Variants in WDR91 observed in about 807,000 individuals in gnomAD.
WDR91 encodes the protein WD repeat-containing protein 91.
In WDR91, 52 loss-of-function variants were observed where a neutral mutation model predicts 88.4. That is an observed-to-expected ratio of 0.59 (90% CI 0.47 to 0.74). The LOEUF is 0.74. Among genes scored for constraint, WDR91 ranks in the 30% least tolerant of loss-of-function variants. The pLI, the probability that WDR91 is intolerant of heterozygous loss-of-function variation, is 0.00. For missense variants in WDR91, 824 were observed against 954.5 expected (o/e 0.86, Z 1.80); for synonymous variants, 362 against 389.5 (o/e 0.93, Z 0.83).
chr7:135,193,488 G>C lies in WDR91; in HGVS notation c.1491-89C>G. Reference sequence around the variant, plus strand: ...TCCTGAGGCTGGATCCTGCACAGGAGATGGGGCATTAGGCTTGGGAAAGGA... The same window carrying C: ...TCCTGAGGCTGGATCCTGCACAGGACATGGGGCATTAGGCTTGGGAAAGGA... On this transcript the variant is annotated intron_variant, in intron 10 of 14. Coordinates refer to ENST00000354475, the MANE Select transcript of WDR91 (RefSeq NM_014149.4). 4 of 1,610,922 alleles carry C rather than the reference G, an allele frequency of 2.5e-6. No homozygotes were observed. The South Asian group carries it at 4.4e-5, about 18-fold the overall frequency.
chr7:135,198,303 A>G, intron 6 of WDR91, 152 bp from the exon 7 acceptor site: 1 of 839,140 alleles, frequency 1.2e-6, no homozygotes, highest in Non-Finnish European at 1.8e-6. Flanking sequence ...GTGAGGTCAT[A>G]GTCAGCCCCT....
At chr7:135,206,139 T>A in intron 4 of WDR91, 81 bp from the exon 5 acceptor site, 1 of 1,585,752 alleles carries the variant, frequency 6.3e-7, no homozygotes, top group East Asian at 2.2e-5. Context: ...ACACATCGCA[T>A]CCAAGCCCAC....
In WDR91 at chr7:135,198,003, G is replaced by T. The variant is rs1484632704; in HGVS notation, c.1040C>A (p.Thr347Asn). 1.2e-6 allele frequency: 2 copies of T among 1,614,150 alleles called. No homozygotes were observed. The highest frequency in any genetic ancestry group is 1.7e-6 in the Non-Finnish European group (2 of 1,179,980). The part of the protein sequence containing the change: ...GKERKELFST[T>N]TSQCAEKKPE... ...AGGACAACCCCATACCTGGGAAGTG[G>T]TTGTGGAGAAAAGCTCCTTCCTCTC... Residue 347 changes from threonine (T) to asparagine (N), a missense_variant, in exon 7 of 15, where the codon ACC becomes AAC. By Grantham distance (65) the Thr-to-Asn change is moderately conservative. Coordinates refer to ENST00000354475, the MANE Select transcript of WDR91 (RefSeq NM_014149.4).
At chr7:135,187,648 T>A (rs1224559616) in intron 13 of WDR91, among the ~76,000 whole-genome samples, 6 of 152,288 alleles carry the variant, frequency 3.9e-5, no homozygotes, top group African/African-American at 1.4e-4. Context: ...GTTTCAGGCA[T>A]ATAATCAATT....
intron 6 of WDR91, chr7:135,200,220 A>C (rs1831522767): frequency 6.6e-6 from 1 of 152,276 alleles, no homozygotes; most frequent in African/African-American, 2.4e-5. Flanking sequence ...GTCTAGCCAC[A>C]AATGTACAAA....
chr7:135,198,198 G>T, intron 6 of WDR91, 47 bp from the exon 7 acceptor site: 1 of 1,584,372 alleles, frequency 6.3e-7, no homozygotes, highest in Non-Finnish European at 8.6e-7. Context: ...ATCTGCCCAG[G>T]CCATGATAAG....
intron 6 of WDR91, among the ~76,000 whole-genome samples, chr7:135,202,556 C>G (rs1831611844): frequency 6.6e-6 from 1 of 152,188 alleles, no homozygotes; most frequent in Non-Finnish European, 1.5e-5. Flanking sequence ...CAAATAATTT[C>G]CAATCTCATT....
intron 6 of WDR91, 168 bp from the exon 7 acceptor site, chr7:135,198,319 G>T: frequency 2.9e-6 from 2 of 692,318 alleles, no homozygotes; most frequent in East Asian, 2.8e-5. Flanking sequence ...CCCCTGCTAT[G>T]ACCTCCTCCT....
At chr7:135,188,914 T>C (rs1467371840) in intron 12 of WDR91, among the ~76,000 whole-genome samples, 2 of 152,188 alleles carry the variant, frequency 1.3e-5, no homozygotes, top group Non-Finnish European at 2.9e-5. Flanking sequence ...TGGGGATGTC[T>C]CCTGGGGACA....
chr7:135,193,076 A>G, intron 11 of WDR91, 155 bp downstream of exon 11: 2 of 1,117,046 alleles, frequency 1.8e-6, no homozygotes, highest in Non-Finnish European at 2.5e-6. Context: ...GTCACTAACA[A>G]TCTGCCCAGT....
chr7:135,190,581 A>G (rs963234145), intron 11 of WDR91, among the ~76,000 whole-genome samples: 1 of 152,232 alleles, frequency 6.6e-6, no homozygotes, highest in African/African-American at 2.4e-5. Context: ...ATTTATAATG[A>G]GAACATACAA....
rs1478280242 is a variant in WDR91, at chr7:135,185,508, C to A, written c.*643G>T. 3.3e-5 allele frequency: 5 copies of A among 152,228 alleles called. No individual in the cohort carries two copies. Among genetic ancestry groups the A allele is most frequent in the African/African-American group, 1.2e-4 (5 of 41,464 alleles). 9.4% of individuals were successfully genotyped at this position (152,228 alleles called of 1,614,324 possible). A position where few individuals can be genotyped will look rare whatever the true frequency, so the allele number is the denominator to read the frequency against. On this transcript the variant is annotated 3_prime_UTR_variant, in exon 15 of 15. Transcript: ENST00000354475. ...GGCAGCCAGTAGCAGAGGCCTCAGC[C>A]CCTGCCTTCATCCTGAGAATCTTCT...
Position 135,196,234 on chromosome 7 carries a change from G to C in WDR91, c.1154C>G (p.Pro385Arg). 1.2e-6 allele frequency: 2 copies of C among 1,612,112 alleles called. No homozygotes were observed. Among genetic ancestry groups the C allele is most frequent in the Non-Finnish European group, 1.7e-6 (2 of 1,179,068 alleles). ...EPLTRASSAG[P>R]EGGGVRPEQP... ...CTCGGGGCGGACTCCTCCACCCTCA[G>C]GGCCTGCCGAGGATGCCCGAGTCAG... The change falls in exon 8 of 15, where the codon CCT (proline) becomes CGT (arginine). Residue 385 changes from proline (P) to arginine (R), a missense_variant. Transcript: ENST00000354475. This position sits in a 1 kb window ranked among gnomAD's most constrained non-coding sequence, Gnocchi z 4.2.
At chr7:135,205,831 A>G in intron 5 of WDR91, 97 bp downstream of exon 5, 1 of 1,548,890 alleles carries the variant, frequency 6.5e-7, no homozygotes, top group East Asian at 2.3e-5. Context: ...CTCCTTCAGC[A>G]GGCACAGAGG....
chr7:135,209,083 C>A (rs1232776520), intron 2 of WDR91, 85 bp from the exon 3 acceptor site: 4 of 1,161,572 alleles, frequency 3.4e-6, no homozygotes, highest in Non-Finnish European at 4.9e-6. Flanking sequence ...AGCAGACAAC[C>A]TTTGACTATC....
intron 13 of WDR91, 54 bp from the exon 14 acceptor site, chr7:135,187,223 CCTCAA>C: frequency 1.3e-6 from 2 of 1,592,476 alleles, no homozygotes; most frequent in East Asian, 4.5e-5. Flanking sequence ...CCAATGCAGG[CCTCAA>C]GGAAGAGCCA....
chr7:135,193,365 A>T lies in WDR91; in HGVS notation c.1525T>A (p.Ser509Thr). The T allele has an allele frequency of 6.2e-7, 1 of 1,614,196 alleles. No homozygotes were observed. Among genetic ancestry groups the T allele is most frequent in the Non-Finnish European group, 8.5e-7 (1 of 1,180,046 alleles). The change falls in exon 11 of 15, where the codon TCT becomes ACT. Residue 509 changes from serine to threonine, a missense_variant. Ser to Thr is a moderately conservative substitution (Grantham distance 58). Transcript: ENST00000354475. ...GGAGCTGCTGCCGAACAGACGAAAG[A>T]GGCCCCGTTGGGGCTGCACGCAAGA... The part of the protein sequence containing the change: ...LSLACSPNGA[S>T]FVCSAAAPSL...
chr7:135,187,042 C>G lies in WDR91; in HGVS notation c.2009G>C (p.Arg670Pro). The G allele has an allele frequency of 6.2e-7, 1 of 1,614,254 alleles. No homozygotes were observed. The highest frequency in any genetic ancestry group is 8.5e-7 in the Non-Finnish European group (1 of 1,180,040). ...GYKQVQVPRG[R>P]LFAFDSEGNY... Reference sequence around the variant, plus strand: ...TCCCTCCGAGTCAAAAGCGAAGAGTCGGCCCCTGGGGACTTGAACCTGCTT... The same window carrying G: ...TCCCTCCGAGTCAAAAGCGAAGAGTGGGCCCCTGGGGACTTGAACCTGCTT... The change falls in exon 14 of 15, where the codon CGA becomes CCA. Residue 670 changes from arginine to proline, a missense_variant. Transcript: ENST00000354475.
At chr7:135,186,427 A>G (rs1830945269) in intron 14 of WDR91, 112 bp from the exon 15 acceptor site, 1 of 1,142,852 alleles carries the variant, frequency 8.8e-7, no homozygotes, top group Admixed American at 3.1e-5. Flanking sequence ...ACACATGCCC[A>G]CCTTTCCAGA....
Sources: gnomAD v4.1 joint callset for allele counts (sites outside exome capture counted in the v4.1 genomes callset) on GRCh38, gnomAD v4.1.1 for gene constraint, Gnocchi (gnomAD v3.1) non-coding constraint, MANE v1.5 for transcripts, NCBI Gene and HGNC (gene_info 2026-07-23, HGNC 2026-07-21) for gene names.